SCN9A: variants seen among roughly 807,000 people sequenced by gnomAD.
SCN9A encodes sodium channel protein type 9 subunit alpha.
SCN9A carries 131 observed loss-of-function variants against 187.0 expected under a neutral mutation model. The observed-to-expected ratio is 0.70, with a 90% CI of 0.61 to 0.81. SCN9A has a LOEUF of 0.81. Ranked by LOEUF, SCN9A falls within the 30% of genes least tolerant of loss-of-function variation. SCN9A has a pLI of 0.00. For synonymous variants in SCN9A, 809 were observed against 808.6 expected, an observed-to-expected ratio of 1.00 and a Z score of -0.01; for missense variants, 2,252 against 2,396.6, an observed-to-expected ratio of 0.94 and a Z score of 1.26.
rs574335092 is a variant in SCN9A, at chr2:166,228,871, C to G, written c.4026G>C (p.Leu1342Phe). 1.2e-6 allele frequency: 2 copies of G among 1,613,854 alleles called. No homozygotes were observed. Among genetic ancestry groups the G allele is most frequent in the East Asian group, 2.2e-5 (1 of 44,880 alleles). The change falls in exon 22 of 27, where the codon TTG becomes TTC. Residue 1342 changes from leucine (L) to phenylalanine (F), a missense_variant. By Grantham distance (22) the Leu-to-Phe change is conservative. Around this residue, in one of 7 missense-constraint regions of SCN9A, gnomAD observed 368 missense variants for 408.6 expected, o/e 0.90. Coordinates refer to ENST00000642356, the MANE Select transcript of SCN9A (RefSeq NM_001365536.1). ...TACACTCATAGAACTTGCCAGCAAA[C>G]AAATTTACTCCCATGATGCTGAATA... ...WLIFSIMGVNLFAGKFYECIN... is the reference protein window; with the variant it reads ...WLIFSIMGVNFFAGKFYECIN...
At chr2:166,329,576 T>G (rs1391502131) in intron 1 of SCN9A, among the ~76,000 whole-genome samples, 11 of 114,514 alleles carry the variant, frequency 9.6e-5, no homozygotes, top group Non-Finnish European at 1.3e-4. Context: ...TGGGGGGGGG[T>G]TGTTGTTGTT....
intron 7 of SCN9A, chr2:166,302,259 T>G (rs1313254767): frequency 7.0e-6 from 1 of 143,664 alleles, no homozygotes; most frequent in African/African-American, 3.0e-5. Context: ...TGATCATATC[T>G]TCATCCAATA....
chr2:166,242,191 G>GA (rs1167992763), intron 19 of SCN9A, among the ~76,000 whole-genome samples: 1 of 152,012 alleles, frequency 6.6e-6, no homozygotes. Flanking sequence ...GTTCTACAGG[G>GA]AAAGTGCTTT....
chr2:166,234,806 T>C (rs1695242825), intron 20 of SCN9A, among the ~76,000 whole-genome samples: 1 of 152,160 alleles, frequency 6.6e-6, no homozygotes, highest in East Asian at 1.9e-4. Flanking sequence ...GAAACTCATG[T>C]TGGAACTTAA....
chr2:166,197,944 G>T lies in SCN9A; in HGVS notation c.*728C>A, dbSNP rs1693291216. The T allele has an allele frequency of 1.3e-5, 2 of 152,002 alleles. No individual in the cohort carries two copies. Among genetic ancestry groups the T allele is most frequent in the East Asian group, 1.9e-4 (1 of 5,190 alleles). The allele number at this position is 152,002 out of a possible 1,614,324, so 9.4% of individuals were successfully genotyped here. On this transcript the variant is annotated 3_prime_UTR_variant, in exon 27 of 27. Coordinates refer to ENST00000642356, the MANE Select transcript of SCN9A (RefSeq NM_001365536.1). ...TCTGTGGTTATTCTATGAACAAAAAGGGATATGAAAGAAGAAAGGCTATGA... is the reference window on the plus strand; with the variant it reads ...TCTGTGGTTATTCTATGAACAAAAATGGATATGAAAGAAGAAAGGCTATGA...
chr2:166,302,960 C>T (rs1042652077), intron 7 of SCN9A, 130 bp downstream of exon 7: 1 of 750,212 alleles, frequency 1.3e-6, no homozygotes, highest in African/African-American at 1.8e-5. Context: ...CCCAAATTCA[C>T]ACTGTAGCAG....
intron 20 of SCN9A, among the ~76,000 whole-genome samples, chr2:166,236,907 C>A (rs142619873): frequency 4.6e-5 from 7 of 152,154 alleles, no homozygotes; most frequent in African/African-American, 1.7e-4. Context: ...ATAATGCAAA[C>A]CCTTGGTTAA....
At chr2:166,225,546 C>T (rs1694810760) in intron 24 of SCN9A, among the ~76,000 whole-genome samples, 1 of 151,930 alleles carries the variant, frequency 6.6e-6, no homozygotes, top group Non-Finnish European at 1.5e-5. Context: ...TGTGCCTTTC[C>T]TCATTTGTGA....
intron 17 of SCN9A, 73 bp from the exon 18 acceptor site, chr2:166,251,958 T>C (rs1234929982): frequency 6.6e-7 from 1 of 1,525,172 alleles, no homozygotes. Context: ...AAGCCTTATT[T>C]AATAATCAGA....
At chr2:166,350,156 G>A (rs995526511) in intron 1 of SCN9A, among the ~76,000 whole-genome samples, 7 of 152,102 alleles carry the variant, frequency 4.6e-5, no homozygotes, top group African/African-American at 1.4e-4. Context: ...CAACTATGAT[G>A]TCAATAAAAT....
intron 15 of SCN9A, 113 bp from the exon 16 acceptor site, chr2:166,277,452 T>A: frequency 6.3e-6 from 4 of 631,598 alleles, no homozygotes; most frequent in Non-Finnish European, 1.1e-5. Flanking sequence ...AATATTGTCA[T>A]TATTATCCAG....
chr2:166,339,917 G>T (rs571940318), intron 1 of SCN9A, among the ~76,000 whole-genome samples: 6 of 152,190 alleles, frequency 3.9e-5, no homozygotes, highest in African/African-American at 1.4e-4. Context: ...AAGTCCAAAT[G>T]TTGGCTTTAC....
chr2:166,233,942 G>T (rs941607697), intron 20 of SCN9A, among the ~76,000 whole-genome samples: 1 of 152,038 alleles, frequency 6.6e-6, no homozygotes, highest in African/African-American at 2.4e-5. Context: ...TTGAGTTGGG[G>T]CAAATTCTCA....
At chr2:166,297,215 AAAAAAAAAAAAAG>A (rs1445528015) in intron 7 of SCN9A, among the ~76,000 whole-genome samples, 1 of 146,266 alleles carries the variant, frequency 6.8e-6, no homozygotes, top group Non-Finnish European at 1.5e-5. Flanking sequence ...AAAAAAAAAA[AAAAAAAAAAAAAG>A]AACCATGACT....
chr2:166,302,886 C>T, intron 7 of SCN9A: 6 of 451,318 alleles, frequency 1.3e-5, no homozygotes, highest in East Asian at 4.1e-5. Context: ...TCCTGTGTTC[C>T]TTTTGCCAGT....
At chr2:166,340,528 TTTCTTTTCTTTCCCTTTC>T (rs1699741273) in intron 1 of SCN9A, among the ~76,000 whole-genome samples, 1 of 138,288 alleles carries the variant, frequency 7.2e-6, no homozygotes, top group Admixed American at 7.2e-5. Context: ...CCCTCTCTCC[TTTCTTTTCTTTCCCTTTC>T]TTTCTTTCTT....
intron 1 of SCN9A, among the ~76,000 whole-genome samples, chr2:166,370,192 AAATAATAATAAT>A (rs752123654): frequency 1.9e-4 from 27 of 141,388 alleles, no homozygotes; most frequent in African/African-American, 3.4e-4. Context: ...CCCCCAGTTA[AAATAATAATAAT>A]AATAATAATA....
rs1424680209 is a variant in SCN9A at position 166,196,422 on chromosome 2, TA to T, written c.*2249del. 6.6e-6 allele frequency: 1 copy of T among 152,130 alleles called. No individual in the cohort carries two copies. The highest frequency in any genetic ancestry group is 1.9e-4 in the East Asian group (1 of 5,192). The allele number at this position is 152,130 out of a possible 1,614,324, so 9.4% of individuals were successfully genotyped here. On this transcript the variant is annotated 3_prime_UTR_variant, in exon 27 of 27. Transcript: ENST00000642356. ...AACTTTATATATATTTTTGAAATGC[TA>T]AGAAGAAATTGTGTTGTTAACAAAC...
intron 24 of SCN9A, among the ~76,000 whole-genome samples, chr2:166,207,575 G>A (rs1693873365): frequency 1.3e-5 from 2 of 151,930 alleles, no homozygotes; most frequent in Admixed American, 6.6e-5. Flanking sequence ...CAAGTAGCTG[G>A]GATTACAGGT....
Sources: gnomAD v4.1 joint callset for allele counts (sites outside exome capture counted in the v4.1 genomes callset) on GRCh38, gnomAD v4.1.1 for gene constraint, gnomAD v4.1.1 regional missense constraint, MANE v1.5 for transcripts, NCBI Gene and HGNC (gene_info 2026-07-23, HGNC 2026-07-21) for gene names.